TASP1: variants seen among roughly 807,000 people sequenced by gnomAD.
The protein encoded by TASP1 is threonine aspartase 1.
In TASP1, 16 loss-of-function variants were observed where a neutral mutation model predicts 56.6. That is an observed-to-expected ratio of 0.28 (90% CI 0.19 to 0.43). The LOEUF (loss-of-function observed/expected upper bound fraction) is 0.43. Ranked by LOEUF, TASP1 falls within the 20% of genes least tolerant of loss-of-function variation. The pLI, the probability that TASP1 is intolerant of heterozygous loss-of-function variation, is 1.00. For synonymous variants in TASP1, 179 were observed against 184.2 expected (o/e 0.97, Z 0.23); for missense variants, 393 against 511.6 (o/e 0.77, Z 2.24).
At chr20:13,222,018 C>G in the TASP1 span, 2 of 1,080,096 alleles carry the variant, frequency 1.9e-6, no homozygotes, top group Non-Finnish European at 1.2e-6. Flanking sequence ...GGTCCCCTGC[C>G]CCACCTAAGA....
chr20:13,158,235 T>C, the TASP1 span, among the ~76,000 whole-genome samples: 1 of 152,232 alleles, frequency 6.6e-6, no homozygotes, highest in African/African-American at 2.4e-5. Context: ...TCTTTTAGCC[T>C]ATTGCCAATT....
chr20:13,452,550 C>T (rs2043664122), intron 11 of TASP1, among the ~76,000 whole-genome samples: 1 of 151,550 alleles, frequency 6.6e-6, no homozygotes, highest in Non-Finnish European at 1.5e-5. Flanking sequence ...ATATTCCATA[C>T]ATACTATAAA....
At chr20:13,429,117 G>T (rs2042714867) in intron 12 of TASP1, among the ~76,000 whole-genome samples, 3 of 152,164 alleles carry the variant, frequency 2.0e-5, no homozygotes, top group Admixed American at 1.3e-4. Flanking sequence ...AAATAACTGA[G>T]TTCAGAAAAA....
At chr20:13,221,212 C>CCCTCCTACT in the TASP1 span, among the ~76,000 whole-genome samples, 1 of 78,968 alleles carries the variant, frequency 1.3e-5, no homozygotes, top group East Asian at 3.5e-4. Flanking sequence ...GCAGCTGAAG[C>CCCTCCTACT]CCTCCTACTC....
chr20:13,526,428 G>C (rs918172364), intron 10 of TASP1, among the ~76,000 whole-genome samples: 2 of 152,024 alleles, frequency 1.3e-5, no homozygotes, highest in Admixed American at 6.6e-5. Flanking sequence ...ATTTTCCATA[G>C]ACACGGGGCC....
chr20:13,153,983 T>C, the TASP1 span: 1 of 1,612,512 alleles, frequency 6.2e-7, no homozygotes, highest in African/African-American at 1.3e-5. Context: ...TTGATGGATT[T>C]CACGCCTGTC....
chr20:13,602,232 G>T (rs34146992), intron 4 of TASP1, among the ~76,000 whole-genome samples: 60,927 of 151,636 alleles, frequency 0.4, 12,900 homozygotes, highest in East Asian at 0.55. Flanking sequence ...CTCAATTAAA[G>T]GAAACTCCAC....
the TASP1 span, among the ~76,000 whole-genome samples, chr20:13,356,804 T>A: frequency 6.6e-6 from 1 of 152,152 alleles, no homozygotes; most frequent in Non-Finnish European, 1.5e-5. Flanking sequence ...CCTTCCACAA[T>A]ACCACCAAGA....
intron 6 of TASP1, among the ~76,000 whole-genome samples, chr20:13,576,827 T>G (rs187066676): frequency 6.6e-6 from 1 of 152,332 alleles, no homozygotes; most frequent in East Asian, 1.9e-4. Context: ...TGTAGCATTA[T>G]TATATAATTT....
At chr20:13,406,788 T>C (rs1002467462) in intron 13 of TASP1, among the ~76,000 whole-genome samples, 3 of 150,506 alleles carry the variant, frequency 2.0e-5, no homozygotes, top group Non-Finnish European at 4.4e-5. Flanking sequence ...TGCCTCAGCC[T>C]CCCGAGTAGC....
At chr20:13,160,611 C>T in the TASP1 span, among the ~76,000 whole-genome samples, 1 of 152,308 alleles carries the variant, frequency 6.6e-6, no homozygotes, top group Admixed American at 6.5e-5. Context: ...CTTTTATTGT[C>T]CCTCGATTTC....
the TASP1 span, among the ~76,000 whole-genome samples, chr20:13,311,787 C>T: frequency 4.0e-5 from 6 of 151,788 alleles, no homozygotes; most frequent in African/African-American, 9.7e-5. Flanking sequence ...GCTTGGGAGG[C>T]GTAAAGGGGT....
At chr20:13,411,641 A>T (rs559871314) in intron 13 of TASP1, among the ~76,000 whole-genome samples, 1 of 152,298 alleles carries the variant, frequency 6.6e-6, no homozygotes, top group South Asian at 2.1e-4. Context: ...ATCCTGGATC[A>T]GGAATTTCCC....
At chr20:13,622,379 C>T (rs201410776) in intron 4 of TASP1, among the ~76,000 whole-genome samples, 2 of 152,314 alleles carry the variant, frequency 1.3e-5, no homozygotes, top group East Asian at 3.9e-4. Context: ...ATCCCCATGT[C>T]AGATTCAATA....
In TASP1 at chr20:13,576,394, A is replaced by AAAGAAAGAAAGTAAGT. The variant is rs774830810; in HGVS notation, c.488+4502_488+4503insACTTACTTTCTTTCTT. On this transcript the variant is annotated intron_variant, in intron 6 of 13. Transcript: ENST00000337743. ...GAAAGAAAGAAAGAAAGAAAGAAAGAAAGTCAGTCTTATGGAATCTATAAA... is the reference window on the plus strand; with the variant it reads ...GAAAGAAAGAAAGAAAGAAAGAAAGAAAGAAAGAAAGTAAGTAAGTCAGTCTTATGGAATCTATAAA... Among the ~76,000 whole-genome samples, 5 of 147,156 alleles carry AAAGAAAGAAAGTAAGT rather than the reference A, an allele frequency of 3.4e-5. No individual in the cohort carries two copies. In the East Asian group the frequency reaches 9.8e-4, roughly 29 times the overall value.
rs2041378507 is a variant in TASP1, at chr20:13,393,585, C to T, written c.1171-3133G>A. On this transcript the variant is annotated intron_variant, in intron 13 of 13. Transcript: ENST00000337743. ...GGCTGGCAATGCCCTCAACAACCAC[C>T]TTGTCAAGCTCATTTCCTGGTGTGA... The T allele has an allele frequency of 3.2e-6, 3 of 948,820 alleles. No individual in the cohort carries two copies. In the East Asian group the frequency reaches 7.2e-5, roughly 23 times the overall value. 58.8% of individuals were successfully genotyped at this position (948,820 alleles called of 1,614,324 possible).
intron 11 of TASP1, among the ~76,000 whole-genome samples, chr20:13,467,417 T>TA (rs151224677): frequency 0.02 from 2,507 of 126,612 alleles, 61 homozygotes; most frequent in African/African-American, 0.056. Flanking sequence ...AATGTCTTCC[T>TA]AAAAAAAAAA....
Position 13,419,284 on chromosome 20 carries a change from A to G in TASP1, c.1097-1763T>C, listed in dbSNP as rs958967084. ...TGTGTGTATGTGTGTGTGCATGTGC[A>G]TGCTCGTGTGCATGTAGAGGGAGGA... On this transcript the variant is annotated intron_variant, in intron 12 of 13. Transcript: ENST00000337743. Among the ~76,000 whole-genome samples the G allele has an allele frequency of 5.9e-5, 9 of 152,226 alleles. No homozygotes were observed. The South Asian group carries it at 1.2e-3, about 21-fold the overall frequency.
the TASP1 span, among the ~76,000 whole-genome samples, chr20:13,221,280 C>T: frequency 6.7e-6 from 1 of 148,222 alleles, no homozygotes; most frequent in Non-Finnish European, 1.5e-5. Context: ...TCTCCTCCTC[C>T]TCCTCCCCGC....
Sources: allele counts gnomAD v4.1 joint callset (sites outside exome capture counted in the v4.1 genomes callset), GRCh38; gene constraint gnomAD v4.1.1; transcripts MANE v1.5; gene names NCBI Gene and HGNC (gene_info 2026-07-23, HGNC 2026-07-21).